Variants in MAF observed in about 807,000 individuals in gnomAD.
The protein encoded by MAF is transcription factor Maf.
Under a neutral mutation model 22.0 loss-of-function variants are expected in MAF, and 10 were observed. That is an observed-to-expected ratio of 0.45 (90% CI 0.28 to 0.77). The LOEUF is 0.77. Ranked by LOEUF, MAF falls within the 30% of genes least tolerant of loss-of-function variation. The probability of loss-of-function intolerance (pLI) is 0.12; values close to 1 mark genes in which losing one functional copy is unlikely to be tolerated. For missense variants in MAF, 544 were observed against 548.4 expected, an observed-to-expected ratio of 0.99 and a Z score of 0.08; for synonymous variants, 337 against 255.8, an observed-to-expected ratio of 1.32 and a Z score of -3.03.
At chr16:79,597,622 C>T in intron 1 of MAF, 1 of 1,022,048 alleles carries the variant, frequency 9.8e-7, no homozygotes, top group Non-Finnish European at 1.2e-6. Flanking sequence ...GGAGCAGATG[C>T]AAAATTTCAT....
the MAF span, among the ~76,000 whole-genome samples, chr16:79,296,225 A>G: frequency 6.6e-6 from 1 of 152,240 alleles, no homozygotes; most frequent in East Asian, 1.9e-4. Context: ...AATTTTATAG[A>G]TCTGTTCAGG....
At chr16:79,284,887 G>A in the MAF span, among the ~76,000 whole-genome samples, 2 of 152,138 alleles carry the variant, frequency 1.3e-5, no homozygotes, top group Admixed American at 1.3e-4. Context: ...CAGCCAGACT[G>A]AAAATCAGCT....
At chr16:79,547,053 G>C in the MAF span, among the ~76,000 whole-genome samples, 2 of 152,160 alleles carry the variant, frequency 1.3e-5, no homozygotes, top group Non-Finnish European at 1.5e-5. Context: ...ATGCGTACGA[G>C]TTTGAAGCTT....
chr16:79,342,777 T>C, the MAF span, among the ~76,000 whole-genome samples: 1 of 152,108 alleles, frequency 6.6e-6, no homozygotes, highest in African/African-American at 2.4e-5. Flanking sequence ...ACCCAAAAAA[T>C]AGATGTAAAA....
At chr16:79,542,261 G>A in the MAF span, among the ~76,000 whole-genome samples, 16 of 152,272 alleles carry the variant, frequency 1.1e-4, no homozygotes, top group Non-Finnish European at 1.0e-4. Context: ...CGAAGCCTCC[G>A]GGCAGGAACG....
chr16:79,292,119 G>C, the MAF span, among the ~76,000 whole-genome samples: 4 of 152,082 alleles, frequency 2.6e-5, no homozygotes, highest in African/African-American at 9.7e-5. Context: ...AAGCTGTAGG[G>C]AATATTGTGG....
chr16:79,567,239 A>G, the MAF span, among the ~76,000 whole-genome samples: 3 of 152,148 alleles, frequency 2.0e-5, no homozygotes, highest in South Asian at 6.2e-4. Context: ...AATCGCTTGA[A>G]CCCAGGAGAC....
the MAF span, chr16:79,206,837 A>G: frequency 3.9e-5 from 6 of 152,304 alleles, no homozygotes; most frequent in Admixed American, 2.0e-4. Flanking sequence ...ATTCCTGTAT[A>G]GGCTGCATTA....
chr16:79,501,302 G>A, the MAF span, among the ~76,000 whole-genome samples: 1 of 151,984 alleles, frequency 6.6e-6, no homozygotes, highest in South Asian at 2.1e-4. Context: ...TTCTTATAAG[G>A]GCACCAGTCA....
chr16:79,509,532 A>T, the MAF span, among the ~76,000 whole-genome samples: 51 of 152,122 alleles, frequency 3.4e-4, no homozygotes, highest in African/African-American at 1.2e-3. Context: ...TCTGAGACCA[A>T]CTCTGATGCA....
the MAF span, among the ~76,000 whole-genome samples, chr16:79,534,439 G>T: frequency 6.6e-6 from 1 of 152,116 alleles, no homozygotes; most frequent in Non-Finnish European, 1.5e-5. Flanking sequence ...GGAATGCAAT[G>T]CCCCAAAGCT....
At chr16:79,507,857 G>C in the MAF span, among the ~76,000 whole-genome samples, 1 of 152,272 alleles carries the variant, frequency 6.6e-6, no homozygotes, top group African/African-American at 2.4e-5. Context: ...TTCTGTTGGA[G>C]TTTGTATGCA....
the MAF span, among the ~76,000 whole-genome samples, chr16:79,214,788 C>G: frequency 1.5e-5 from 2 of 136,572 alleles, no homozygotes; most frequent in African/African-American, 5.5e-5. Flanking sequence ...TTTTGGCTCA[C>G]TGCAACCTCC....
chr16:79,344,720 G>A, the MAF span, among the ~76,000 whole-genome samples: 2 of 152,072 alleles, frequency 1.3e-5, no homozygotes, highest in Admixed American at 6.5e-5. Context: ...TGATTTTTGG[G>A]TTATACCATC....
At chr16:79,267,430 G>T in the MAF span, among the ~76,000 whole-genome samples, 1 of 152,210 alleles carries the variant, frequency 6.6e-6, no homozygotes, top group African/African-American at 2.4e-5. Context: ...GTGTGTACGT[G>T]TGTGGTATGG....
At chr16:79,500,136 G>A in the MAF span, among the ~76,000 whole-genome samples, 515 of 152,296 alleles carry the variant, frequency 3.4e-3, 3 homozygotes, top group South Asian at 0.011. Context: ...AGTTTCAGAC[G>A]GTCTGGCCTC....
the MAF span, among the ~76,000 whole-genome samples, chr16:79,375,950 G>A: frequency 6.6e-6 from 1 of 152,178 alleles, no homozygotes; most frequent in Non-Finnish European, 1.5e-5. Context: ...TCTGGGTGAG[G>A]AGAAATGCGG....
the MAF span, among the ~76,000 whole-genome samples, chr16:79,537,888 T>G: frequency 6.6e-6 from 1 of 152,198 alleles, no homozygotes; most frequent in Non-Finnish European, 1.5e-5. Flanking sequence ...TGGCTTGATG[T>G]AGGTTCTCAT....
the MAF span, among the ~76,000 whole-genome samples, chr16:79,299,253 CCAGGAA>C: frequency 2.0e-5 from 3 of 151,656 alleles, no homozygotes; most frequent in Non-Finnish European, 4.4e-5. Context: ...GTTCAGGATC[CCAGGAA>C]CGCCTAGCTC....
Sources: allele counts gnomAD v4.1 joint callset (sites outside exome capture counted in the v4.1 genomes callset), GRCh38; gene constraint gnomAD v4.1.1; transcripts MANE v1.5; gene names NCBI Gene and HGNC (gene_info 2026-07-23, HGNC 2026-07-21).